Variants in ATP2B2 observed in about 807,000 individuals in gnomAD.
The protein encoded by ATP2B2 is ATPase plasma membrane Ca2+ transporting 2.
A neutral mutation model predicts 120.0 loss-of-function variants in ATP2B2; 15 were observed. The observed-to-expected ratio is 0.12, with a 90% CI of 0.08 to 0.19. The LOEUF (loss-of-function observed/expected upper bound fraction) is 0.19, where lower values mean the gene tolerates loss of function less well. Among genes scored for constraint, ATP2B2 ranks in the 10% least tolerant of loss-of-function variants. The probability of loss-of-function intolerance (pLI) is 1.00; values close to 1 mark genes in which losing one functional copy is unlikely to be tolerated. For synonymous variants in ATP2B2, 694 were observed against 700.3 expected, an observed-to-expected ratio of 0.99 and a Z score of 0.14; for missense variants, 1,045 against 1,719.8, an observed-to-expected ratio of 0.61 and a Z score of 6.94.
intron 3 of ATP2B2, 90 bp downstream of exon 3, chr3:10,410,528 A>T: frequency 7.0e-7 from 1 of 1,430,280 alleles, no homozygotes; most frequent in Non-Finnish European, 9.5e-7. Context: ...CTGGGAGGAG[A>T]GGATTATTTG....
intron 2 of ATP2B2, among the ~76,000 whole-genome samples, chr3:10,415,261 G>A (rs1167348419): frequency 6.6e-6 from 1 of 152,228 alleles, no homozygotes; most frequent in Non-Finnish European, 1.5e-5. Flanking sequence ...GTGTAGTGCT[G>A]TGCCTGGCAC....
At chr3:10,679,624 C>T (rs2071333918) in intron 1 of ATP2B2, among the ~76,000 whole-genome samples, 1 of 152,156 alleles carries the variant, frequency 6.6e-6, no homozygotes, top group Non-Finnish European at 1.5e-5. Flanking sequence ...GAGATGTGCC[C>T]AGGAATGTTC....
At chr3:10,611,350 G>A (rs1332259523) in intron 2 of ATP2B2, among the ~76,000 whole-genome samples, 1 of 152,212 alleles carries the variant, frequency 6.6e-6, no homozygotes, top group African/African-American at 2.4e-5. Context: ...GTTTGGCGTT[G>A]GGGTGTGGCT....
rs545169812 is a variant in ATP2B2, at chr3:10,378,419, G to C, written c.1043-9C>G. The C allele has an allele frequency of 5.6e-6, 9 of 1,600,192 alleles. No individual in the cohort carries two copies. The highest frequency in any genetic ancestry group is 7.6e-6 in the Non-Finnish European group (9 of 1,179,968). On this transcript the variant is annotated splice_polypyrimidine_tract_variant and intron_variant, in intron 9 of 22. Transcript: ENST00000360273. ...CCCGTCCTGTTGTTTGGCTGCAGGG[G>C]GCAGATCACGCACGTGCATACACAC...
At chr3:10,394,650 C>A (rs2061973988) in intron 5 of ATP2B2, 4 of 416,500 alleles carry the variant, frequency 9.6e-6, no homozygotes, top group South Asian at 7.0e-5. Flanking sequence ...CCGGCTCTCC[C>A]ATGCCTGGCC....
rs765910999 is a variant in ATP2B2 at position 10,328,887 on chromosome 3, G to A, written c.3659C>T (p.Thr1220Met). 27 of 1,613,810 alleles carry A rather than the reference G, an allele frequency of 1.7e-5. No homozygotes were observed. The East Asian group carries it at 3.6e-4, about 21-fold the overall frequency. Residue 1220 changes from threonine (T) to methionine (M), a missense_variant, in exon 23 of 23, where the codon ACG becomes ATG. Coordinates refer to ENST00000360273, the MANE Select transcript of ATP2B2 (RefSeq NM_001001331.4). ...NSAIDSGINLTTDTSKSATSS... is the reference protein window; with the variant it reads ...NSAIDSGINLMTDTSKSATSS... ...GGTAGCTGATTTGCTTGTGTCGGTC[G>A]TCAGGTTGATCCCACTGTCGATGGC...
intron 1 of ATP2B2, among the ~76,000 whole-genome samples, chr3:10,500,726 C>A (rs942147439): frequency 1.3e-5 from 2 of 152,226 alleles, no homozygotes; most frequent in Non-Finnish European, 2.9e-5. Context: ...TGACTCTAGA[C>A]TTCTGGCTTC....
intron 2 of ATP2B2, among the ~76,000 whole-genome samples, chr3:10,426,777 T>TA (rs970347041): frequency 7.8e-5 from 11 of 140,562 alleles, no homozygotes; most frequent in Admixed American, 4.9e-4. Flanking sequence ...TCCCTGCTCT[T>TA]AAAAAAGAGA....
chr3:10,577,590 C>G (rs571755666), intron 2 of ATP2B2, among the ~76,000 whole-genome samples: 3 of 152,324 alleles, frequency 2.0e-5, no homozygotes, highest in African/African-American at 7.2e-5. Context: ...GGTTGTTTTC[C>G]TGAGAGGAAC....
intron 12 of ATP2B2, 84 bp from the exon 13 acceptor site, chr3:10,360,207 C>T: frequency 6.6e-7 from 1 of 1,505,856 alleles, no homozygotes; most frequent in East Asian, 2.3e-5. Context: ...GGCTCTGGGA[C>T]TGCCACTTAG....
At chr3:10,365,026 T>C (rs1472812490) in intron 12 of ATP2B2, among the ~76,000 whole-genome samples, 1 of 152,224 alleles carries the variant, frequency 6.6e-6, no homozygotes. Flanking sequence ...GGCTCACAGC[T>C]GCCTACAAGG....
At chr3:10,526,072 T>G (rs2067084815) in intron 3 of ATP2B2, among the ~76,000 whole-genome samples, 1 of 152,208 alleles carries the variant, frequency 6.6e-6, no homozygotes, top group South Asian at 2.1e-4. Flanking sequence ...GCACAGTAAG[T>G]GTTCAATAAA....
At chr3:10,385,837 T>C (rs779436088) in intron 7 of ATP2B2, among the ~76,000 whole-genome samples, 53 of 152,226 alleles carry the variant, frequency 3.5e-4, no homozygotes, top group Non-Finnish European at 7.1e-4. Context: ...CTTAACTGGA[T>C]TCATGCCCTT....
intron 12 of ATP2B2, among the ~76,000 whole-genome samples, chr3:10,364,908 T>G (rs1402820864): frequency 2.0e-5 from 3 of 152,198 alleles, no homozygotes; most frequent in Non-Finnish European, 2.9e-5. Context: ...ACGTCTCCCC[T>G]GATGCCTGGA....
chr3:10,645,133 A>T (rs2070289749), intron 1 of ATP2B2, among the ~76,000 whole-genome samples: 1 of 152,160 alleles, frequency 6.6e-6, no homozygotes. Context: ...AGAATGTGTG[A>T]CTATGGTAAA....
chr3:10,415,853 A>C (rs529739985), intron 2 of ATP2B2, among the ~76,000 whole-genome samples: 1 of 152,342 alleles, frequency 6.6e-6, no homozygotes, highest in African/African-American at 2.4e-5. Context: ...GTGGGGTTGT[A>C]GGCTTTCAAA....
chr3:10,619,579 C>G (rs961014244), intron 2 of ATP2B2, among the ~76,000 whole-genome samples: 1 of 152,162 alleles, frequency 6.6e-6, no homozygotes, highest in African/African-American at 2.4e-5. Context: ...GAATATCACA[C>G]CAAGGTAAAG....
chr3:10,358,870 G>A lies in ATP2B2; in HGVS notation c.1957C>T (p.Arg653Trp), dbSNP rs544333948. The A allele has an allele frequency of 2.5e-6, 4 of 1,614,086 alleles. No homozygotes were observed. Among genetic ancestry groups the A allele is most frequent in the Admixed American group, 1.7e-5 (1 of 60,022 alleles). ...ATCACCTTCTTTACCATCTCGTCCC[G>A]GTCGCGGGGCCGGAAGACACGAGGC... The part of the protein sequence containing the change: ...GEPRVFRPRD[R>W]DEMVKKVIEP... The change falls in exon 14 of 23, where the codon CGG (arginine) becomes TGG (tryptophan). Residue 653 changes from arginine to tryptophan, a missense_variant. By Grantham distance (101) the Arg-to-Trp change is moderately radical. Around this residue, in one of 11 missense-constraint regions of ATP2B2, gnomAD observed 343 missense variants for 536.8 expected, o/e 0.64. Transcript: ENST00000360273.
At chr3:10,591,504 C>T (rs12490569) in intron 2 of ATP2B2, among the ~76,000 whole-genome samples, 2,171 of 152,284 alleles carry the variant, frequency 0.014, 17 homozygotes, top group Non-Finnish European at 0.023. Flanking sequence ...CCTCAAATCA[C>T]CCCTCATGCT....
Sources: gnomAD v4.1 joint callset for allele counts (sites outside exome capture counted in the v4.1 genomes callset) on GRCh38, gnomAD v4.1.1 for gene constraint, gnomAD v4.1.1 regional missense constraint, MANE v1.5 for transcripts, NCBI Gene and HGNC (gene_info 2026-07-23, HGNC 2026-07-21) for gene names.